The following OLAH variants were observed in gnomAD, a reference collection of about 807,000 sequenced individuals.
OLAH encodes S-acyl fatty acid synthase thioesterase, medium chain.
A neutral mutation model predicts 27.8 loss-of-function variants in OLAH; 33 were observed. The ratio of observed to expected loss-of-function variants is 1.19; its 90% confidence interval spans 0.90 to 1.59. The LOEUF (loss-of-function observed/expected upper bound fraction) is 1.59. OLAH is among the 40% of genes most tolerant of loss of function. The pLI is 0.00. For synonymous variants in OLAH, 120 were observed against 102.9 expected, an observed-to-expected ratio of 1.17 and a Z score of -1.01; for missense variants, 359 against 310.8, an observed-to-expected ratio of 1.16 and a Z score of -1.17.
intron 3 of OLAH, chr10:15,056,869 G>A (rs568722986): frequency 2.9e-5 from 44 of 1,527,570 alleles, no homozygotes; most frequent in South Asian, 2.6e-4. Context: ...AAACTCCGGC[G>A]CTCAAGTGAT....
intron 2 of OLAH, among the ~76,000 whole-genome samples, chr10:15,048,946 TA>T (rs1844075524): frequency 6.6e-6 from 1 of 151,666 alleles, no homozygotes; most frequent in African/African-American, 2.4e-5. Context: ...TACTAAAACA[TA>T]AAAAAATTAG....
At chr10:15,045,979 C>T (rs1347516533) in intron 1 of OLAH, among the ~76,000 whole-genome samples, 2 of 152,138 alleles carry the variant, frequency 1.3e-5, no homozygotes, top group African/African-American at 4.8e-5. Flanking sequence ...TGCAGTGAGC[C>T]AAGGTCGTGC....
At chr10:15,072,167 C>A (rs1844602468) in intron 7 of OLAH, among the ~76,000 whole-genome samples, 2 of 152,168 alleles carry the variant, frequency 1.3e-5, no homozygotes, top group South Asian at 4.1e-4. Context: ...CTCCTGACCT[C>A]ATGATCTGCC....
Position 15,047,226 on chromosome 10 carries a change from T to A in OLAH, c.-63T>A. On this transcript the variant is annotated 5_prime_UTR_variant, in exon 2 of 8. Transcript: ENST00000378228. ...AGAGGTTCTTCGTCTCAAGAGGAAC[T>A]GACTTCTGTTGAGCACTCAACACGC... 1 of 1,570,718 alleles carries A rather than the reference T, an allele frequency of 6.4e-7. No individual in the cohort carries two copies. Among genetic ancestry groups the A allele is most frequent in the Non-Finnish European group, 8.7e-7 (1 of 1,147,672 alleles).
chr10:15,065,966 C>T lies in OLAH; in HGVS notation c.572+213C>T, dbSNP rs541261712. Among the ~76,000 whole-genome samples, 89 of 152,250 alleles carry T rather than the reference C, an allele frequency of 5.8e-4. 1 individual carries two copies. The highest frequency in any genetic ancestry group is 7.2e-4 in the Non-Finnish European group (49 of 68,016). On this transcript the variant is annotated intron_variant, in intron 6 of 7. Coordinates refer to ENST00000378228, the MANE Select transcript of OLAH (RefSeq NM_001039702.3). ...GTAAAAGATGTCTAGCATGGCCAGG[C>T]ACAGTGACTCATGCCTATAATTCCA...
chr10:15,039,691 A>G (rs1843892541), upstream of OLAH, among the ~76,000 whole-genome samples: 1 of 152,224 alleles, frequency 6.6e-6, no homozygotes, highest in Non-Finnish European at 1.5e-5. Context: ...GCTGCTGGAA[A>G]GAGGCCTGTC....
rs367813142 is a variant in OLAH, at chr10:15,033,079, G to A, written c.-164+729G>A. Among the ~76,000 whole-genome samples, 190 of 150,770 alleles carry A rather than the reference G, an allele frequency of 1.3e-3. 2 individuals are homozygous for A. Among genetic ancestry groups the A allele is most frequent in the African/African-American group, 4.0e-3 (164 of 41,048 alleles). ...TAAAGTAGAGATGGGGTTTCACCAT[G>A]TTGGCCAGGCTGGTCTTGAACTCCT... On this transcript the variant is annotated intron_variant, in intron 1 of 3. Coordinates refer to the OLAH transcript ENST00000413672.
chr10:15,033,530 A>G (rs1193309563), intron 1 of OLAH, among the ~76,000 whole-genome samples: 1 of 152,036 alleles, frequency 6.6e-6, no homozygotes, highest in Non-Finnish European at 1.5e-5. Flanking sequence ...AGAGGAAGAG[A>G]AGGCAGAGAG....
intron 3 of OLAH, among the ~76,000 whole-genome samples, chr10:15,055,507 C>T (rs370100159): frequency 3.4e-4 from 51 of 152,232 alleles, no homozygotes; most frequent in African/African-American, 1.2e-3. Flanking sequence ...TGCTGGTAGC[C>T]AACACTCTGA....
intron 3 of OLAH, among the ~76,000 whole-genome samples, chr10:15,057,637 C>T (rs904224370): frequency 2.6e-5 from 4 of 152,104 alleles, no homozygotes; most frequent in African/African-American, 4.8e-5. Flanking sequence ...CCACCTGCCT[C>T]GGCCTCCCAA....
Position 15,063,905 on chromosome 10 carries a change from A to T in OLAH, c.303-498A>T, listed in dbSNP as rs80210276. ...CATAATAGAAGGCAGATGGATTCTC[A>T]TTTCTGTCTCTGCATTCAAATTGTT... On this transcript the variant is annotated intron_variant, in intron 4 of 7. Transcript: ENST00000378228. Among the ~76,000 whole-genome samples, 751 of 152,294 alleles carry T rather than the reference A, an allele frequency of 4.9e-3. 12 individuals are homozygous for T. The highest frequency in any genetic ancestry group is 0.023 in the East Asian group (118 of 5,188).
intron 6 of OLAH, among the ~76,000 whole-genome samples, chr10:15,066,528 T>A (rs1043003116): frequency 6.6e-6 from 1 of 152,024 alleles, no homozygotes; most frequent in Non-Finnish European, 1.5e-5. Context: ...GATGTCTGTA[T>A]AGACACTTGA....
intron 1 of OLAH, among the ~76,000 whole-genome samples, chr10:15,045,161 C>T (rs1843991417): frequency 6.6e-6 from 1 of 152,184 alleles, no homozygotes; most frequent in Admixed American, 6.6e-5. Context: ...TTTTACTCAA[C>T]TTGGAAAATA....
chr10:15,034,073 A>T (rs1843799906), intron 1 of OLAH, among the ~76,000 whole-genome samples: 1 of 150,140 alleles, frequency 6.7e-6, no homozygotes, highest in African/African-American at 2.5e-5. Flanking sequence ...GGGGGAAGGA[A>T]CCTCCTAGAG....
At chr10:15,037,650 T>C (rs772014448) in intron 1 of OLAH, among the ~76,000 whole-genome samples, 3 of 151,842 alleles carry the variant, frequency 2.0e-5, no homozygotes, top group Non-Finnish European at 4.4e-5. Flanking sequence ...GCCTAACCGA[T>C]AGCTAGATGG....
At chr10:15,046,302 T>C (rs1174418264) in intron 1 of OLAH, among the ~76,000 whole-genome samples, 1 of 148,490 alleles carries the variant, frequency 6.7e-6, no homozygotes, top group African/African-American at 2.5e-5. Context: ...GGCAACAGAG[T>C]GAGACTCCGT....
intron 6 of OLAH, 55 bp downstream of exon 6, chr10:15,065,808 A>T: frequency 2.0e-6 from 3 of 1,513,392 alleles, no homozygotes; most frequent in Non-Finnish European, 2.7e-6. Context: ...TTGTAGAAAA[A>T]CATAGATTGG....
At chr10:15,033,316 G>C (rs537458437) in intron 1 of OLAH, among the ~76,000 whole-genome samples, 5 of 152,190 alleles carry the variant, frequency 3.3e-5, no homozygotes, top group Non-Finnish European at 5.9e-5. Context: ...TGAGATAAAG[G>C]GTGACTGTAA....
At chr10:15,037,742 A>G (rs968395471) in intron 1 of OLAH, among the ~76,000 whole-genome samples, 1 of 152,134 alleles carries the variant, frequency 6.6e-6, no homozygotes, top group African/African-American at 2.4e-5. Flanking sequence ...AGTATAGGAA[A>G]TCTCATATTG....
Sources: allele counts gnomAD v4.1 joint callset (sites outside exome capture counted in the v4.1 genomes callset), GRCh38; gene constraint gnomAD v4.1.1; transcripts MANE v1.5; gene names NCBI Gene and HGNC (gene_info 2026-07-23, HGNC 2026-07-21).